Variants in MOB3B observed in about 807,000 individuals in gnomAD.
MOB3B encodes the protein MOB kinase activator 3B.
In MOB3B, 7 loss-of-function variants were observed where a neutral mutation model predicts 18.7. The ratio of observed to expected loss-of-function variants is 0.37; its 90% CI spans 0.21 to 0.70. The LOEUF (loss-of-function observed/expected upper bound fraction) is 0.70. Among genes scored for constraint, MOB3B ranks in the 30% least tolerant of loss-of-function variants. The pLI is 0.52. For missense variants in MOB3B, 253 were observed against 281.3 expected (o/e 0.90, Z 0.72); for synonymous variants, 111 against 99.9 (o/e 1.11, Z -0.66).
intron 1 of MOB3B, chr9:27,525,073 G>A (rs771256357): frequency 5.5e-6 from 5 of 908,510 alleles, no homozygotes; most frequent in South Asian, 3.6e-5. Flanking sequence ...TCCTCAGTTG[G>A]ACTGGTAGCC....
At chr9:27,407,174 G>A (rs1418002696) in intron 2 of MOB3B, among the ~76,000 whole-genome samples, 1 of 152,154 alleles carries the variant, frequency 6.6e-6, no homozygotes, top group Non-Finnish European at 1.5e-5. Flanking sequence ...CCCACTCTGT[G>A]TAACCTAAGA....
chr9:27,524,104 G>C (rs1327383020), intron 1 of MOB3B, among the ~76,000 whole-genome samples: 1 of 96,958 alleles, frequency 1.0e-5, no homozygotes, highest in Non-Finnish European at 2.0e-5. Context: ...ATTTTTCAGG[G>C]AAAAAAAAAA....
intron 2 of MOB3B, among the ~76,000 whole-genome samples, chr9:27,405,368 A>T (rs1043007382): frequency 2.6e-5 from 4 of 152,054 alleles, no homozygotes; most frequent in African/African-American, 9.7e-5. Context: ...GGCCTCCCAA[A>T]GTGCTGAGAT....
intron 1 of MOB3B, among the ~76,000 whole-genome samples, chr9:27,506,617 C>T (rs558776037): frequency 1.6e-4 from 25 of 151,896 alleles, no homozygotes; most frequent in Admixed American, 3.9e-4. Flanking sequence ...CTGCAACTTC[C>T]GCCTCCTGGA....
At position 27,379,279 on chromosome 9, in the gene MOB3B, AC is replaced by A. The variant is rs1270662847; in HGVS notation, c.419-20044del. 2.6e-5 allele frequency among the ~76,000 whole-genome samples: 4 copies of A among 151,988 alleles called. No homozygotes were observed. The East Asian group carries it at 5.8e-4, about 22-fold the overall frequency. The stretch of plus-strand genomic sequence containing the variant: ...CTCAGGAATAGGTGACTTTTAAAGC[AC>A]CCTTGGGGATTCTAACGCACCTTTA... On this transcript the variant is annotated intron_variant, in intron 2 of 3. Coordinates refer to ENST00000262244, the MANE Select transcript of MOB3B (RefSeq NM_024761.5).
intron 1 of MOB3B, among the ~76,000 whole-genome samples, chr9:27,484,008 C>A (rs907351985): frequency 6.6e-6 from 1 of 152,144 alleles, no homozygotes; most frequent in African/African-American, 2.4e-5. Context: ...AGTGCCAGGG[C>A]AGGGTGAGGG....
At chr9:27,416,930 A>G (rs549923663) in intron 2 of MOB3B, among the ~76,000 whole-genome samples, 42 of 152,274 alleles carry the variant, frequency 2.8e-4, no homozygotes, top group Non-Finnish European at 5.7e-4. Context: ...TAAGCAGGGG[A>G]CACCTGTTAC....
chr9:27,438,813 G>C (rs1314952226), intron 2 of MOB3B, among the ~76,000 whole-genome samples: 1 of 152,098 alleles, frequency 6.6e-6, no homozygotes, highest in East Asian at 1.9e-4. Flanking sequence ...ACATGTTTTA[G>C]GGCTAAAAAA....
intron 1 of MOB3B, among the ~76,000 whole-genome samples, chr9:27,514,351 A>AAAAG (rs1224787058): frequency 4.0e-5 from 6 of 150,368 alleles, no homozygotes; most frequent in Admixed American, 2.6e-4. Context: ...AGCTCAAAAA[A>AAAAG]AAAAAAAAAA....
At chr9:27,517,208 C>A (rs547047912) in intron 1 of MOB3B, among the ~76,000 whole-genome samples, 51 of 152,282 alleles carry the variant, frequency 3.3e-4, no homozygotes, top group Admixed American at 1.0e-3. Context: ...TCACTGCCTC[C>A]AGGAACCTCT....
chr9:27,341,932 T>A (rs773302636), intron 3 of MOB3B, among the ~76,000 whole-genome samples: 1 of 152,240 alleles, frequency 6.6e-6, no homozygotes, highest in Non-Finnish European at 1.5e-5. Flanking sequence ...ACACCTGTTT[T>A]TGTATGGCCC....
intron 2 of MOB3B, among the ~76,000 whole-genome samples, chr9:27,452,901 C>A (rs1822812120): frequency 6.6e-6 from 1 of 151,984 alleles, no homozygotes; most frequent in African/African-American, 2.4e-5. Flanking sequence ...AGATGTTGGT[C>A]AAAAAATACA....
At chr9:27,342,449 C>T (rs942703123) in intron 3 of MOB3B, among the ~76,000 whole-genome samples, 2 of 151,554 alleles carry the variant, frequency 1.3e-5, no homozygotes, top group African/African-American at 2.4e-5. Flanking sequence ...CCTCCCCCTC[C>T]GTCTCCCTTT....
At chr9:27,381,108 G>A (rs1425700338) in intron 2 of MOB3B, among the ~76,000 whole-genome samples, 1 of 152,146 alleles carries the variant, frequency 6.6e-6, no homozygotes, top group African/African-American at 2.4e-5. Context: ...AAACTCTACT[G>A]CAGGCATGGA....
At chr9:27,361,323 G>A (rs1042537224) in intron 2 of MOB3B, among the ~76,000 whole-genome samples, 20 of 152,120 alleles carry the variant, frequency 1.3e-4, no homozygotes, top group African/African-American at 4.3e-4. Context: ...TCTCTTCCCA[G>A]GTTAGAGGAA....
At chr9:27,509,945 G>A (rs1028624838) in intron 1 of MOB3B, among the ~76,000 whole-genome samples, 1 of 152,108 alleles carries the variant, frequency 6.6e-6, no homozygotes, top group Non-Finnish European at 1.5e-5. Flanking sequence ...GGCTGGTCTC[G>A]AAGTCCTGAC....
Position 27,520,725 on chromosome 9 carries a change from T to C in MOB3B, c.-199+8830A>G, listed in dbSNP as rs556284079. ...GTAAAGCCAGCATAGAGAAATGCAA[T>C]CAAATGTAACTCTGCAGGAGGAGGA... On this transcript the variant is annotated intron_variant, in intron 1 of 3. Coordinates refer to ENST00000262244, the MANE Select transcript of MOB3B (RefSeq NM_024761.5). 2.6e-5 allele frequency among the ~76,000 whole-genome samples: 4 copies of C among 152,282 alleles called. No homozygotes were observed. The East Asian group carries it at 7.7e-4, about 29-fold the overall frequency.
At position 27,529,546 on chromosome 9, in the gene MOB3B, C is replaced by A. The variant is rs1820498486; in HGVS notation, c.-199+9G>T. The A allele has an allele frequency of 1.0e-6, 1 of 985,308 alleles. No individual in the cohort carries two copies. The highest frequency in any genetic ancestry group is 1.7e-5 in the African/African-American group (1 of 57,248). The allele number at this position is 985,308 out of a possible 1,614,324, so 61.0% of individuals were successfully genotyped here. A position where few individuals can be genotyped will look rare whatever the true frequency, so the allele number is the denominator to read the frequency against. ...CGCCTCCCCTAGCTTGGAGCGGGTT[C>A]TTACTCACCGTGGGGTTTTACCTCC... is the stretch of plus-strand genomic sequence containing the variant. On this transcript the variant is annotated intron_variant, in intron 1 of 3. Transcript: ENST00000262244.
At chr9:27,467,693 A>T (rs1213034826) in intron 1 of MOB3B, among the ~76,000 whole-genome samples, 1 of 152,274 alleles carries the variant, frequency 6.6e-6, no homozygotes, top group Non-Finnish European at 1.5e-5. Context: ...GCACATGCTC[A>T]GCTGGCTCAG....
Sources: gnomAD v4.1 joint callset for allele counts (sites outside exome capture counted in the v4.1 genomes callset) on GRCh38, gnomAD v4.1.1 for gene constraint, MANE v1.5 for transcripts, NCBI Gene and HGNC (gene_info 2026-07-23, HGNC 2026-07-21) for gene names.